COG4: variants seen among roughly 807,000 people sequenced by gnomAD.
COG4 encodes component of oligomeric golgi complex 4.
A neutral mutation model predicts 95.1 loss-of-function variants in COG4; 65 were observed. That is an observed-to-expected ratio of 0.68 (90% CI 0.56 to 0.84). The LOEUF (loss-of-function observed/expected upper bound fraction) is 0.84. COG4 is among the 40% of genes least tolerant of loss of function. The pLI, the probability that COG4 is intolerant of heterozygous loss-of-function variation, is 0.00. For missense variants in COG4, 1,045 were observed against 989.1 expected, an observed-to-expected ratio of 1.06 and a Z score of -0.76; for synonymous variants, 421 against 374.8, an observed-to-expected ratio of 1.12 and a Z score of -1.42.
intron 12 of COG4, among the ~76,000 whole-genome samples, chr16:70,495,289 C>A (rs1363647565): frequency 6.7e-6 from 1 of 150,116 alleles, no homozygotes; most frequent in Non-Finnish European, 1.5e-5. Context: ...CCCAGCTACT[C>A]GGGAGGCTAA....
chr16:70,494,795 T>C (rs970502501), intron 12 of COG4, among the ~76,000 whole-genome samples: 11 of 152,220 alleles, frequency 7.2e-5, no homozygotes, highest in African/African-American at 2.7e-4. Context: ...GATGTGATGC[T>C]GGTTGCTGGG....
At chr16:70,483,828 G>C in intron 14 of COG4, 25 bp downstream of exon 14, 1 of 1,505,224 alleles carries the variant, frequency 6.6e-7, no homozygotes, top group African/African-American at 1.4e-5. Context: ...ACAGGATTCA[G>C]TCAGCAGTTG....
chr16:70,492,802 A>C (rs916881078), intron 12 of COG4, among the ~76,000 whole-genome samples: 4 of 151,944 alleles, frequency 2.6e-5, no homozygotes, highest in Non-Finnish European at 5.9e-5. Flanking sequence ...GTCTCTACTA[A>C]AAATACAAAA....
At chr16:70,519,797 A>G in intron 1 of COG4, 66 bp from the exon 2 acceptor site, 1 of 1,181,232 alleles carries the variant, frequency 8.5e-7, no homozygotes, top group Non-Finnish European at 1.3e-6. Context: ...TATCTAATCC[A>G]ATCACTTAGC....
intron 13 of COG4, among the ~76,000 whole-genome samples, chr16:70,487,568 C>T (rs949331004): frequency 3.9e-5 from 6 of 152,124 alleles, no homozygotes; most frequent in Admixed American, 6.5e-5. Flanking sequence ...GGCGACAGAG[C>T]GAGACTCCGT....
At chr16:70,499,113 G>A (rs1002425522) in intron 9 of COG4, among the ~76,000 whole-genome samples, 1 of 151,984 alleles carries the variant, frequency 6.6e-6, no homozygotes, top group Admixed American at 6.5e-5. Context: ...TGATATAGTA[G>A]CCATTAGCCA....
intron 15 of COG4, 36 bp downstream of exon 15, chr16:70,482,693 C>T (rs765088543): frequency 5.5e-5 from 85 of 1,549,886 alleles, no homozygotes; most frequent in Admixed American, 2.5e-4. Context: ...GATGAGGGGT[C>T]ATCGGGGCTT....
At chr16:70,512,193 G>C (rs1030596705) in intron 5 of COG4, 46 bp downstream of exon 5, 1 of 1,576,238 alleles carries the variant, frequency 6.3e-7, no homozygotes. Flanking sequence ...CCAATCTGCA[G>C]GCAGACAGCC....
At position 70,481,803 on chromosome 16, in the gene COG4, G is replaced by A. The variant is rs376705726; in HGVS notation, c.2067C>T (p.Val689=). 1.7e-5 allele frequency: 27 copies of A among 1,613,958 alleles called. No individual in the cohort carries two copies. The highest frequency in any genetic ancestry group is 1.6e-4 in the East Asian group (7 of 44,884). The stretch of plus-strand genomic sequence containing the variant: ...ATTTCAGCACCACTTTCTCCAACTC[G>A]ACGGCAACAAGGCTAGTCATGAGGC... ...LTGLMTSLVA[V]ELEKVVLKST... The change falls in exon 17 of 19, where the codon GTC becomes GTT. Residue 689 remains valine (V), a synonymous_variant. Coordinates refer to ENST00000323786, the MANE Select transcript of COG4 (RefSeq NM_015386.3).
In COG4 at chr16:70,514,350, G is replaced by C. The variant is rs376663459; in HGVS notation, c.529C>G (p.Arg177Gly). ...GGATGCTGACCCTCTTTGCCCTGTCGGCTGAGCTCAATGACCGACTTGTCC... is the reference window on the plus strand; with the variant it reads ...GGATGCTGACCCTCTTTGCCCTGTCCGCTGAGCTCAATGACCGACTTGTCC... ...CLDKSVIELSRQGKEGSMIDA... is the reference protein window; with the variant it reads ...CLDKSVIELSGQGKEGSMIDA... Residue 177 changes from arginine to glycine, a missense_variant, in exon 4 of 19, where the codon CGA (arginine) becomes GGA (glycine). Transcript: ENST00000323786. The C allele has an allele frequency of 6.2e-7, 1 of 1,613,988 alleles. No individual in the cohort carries two copies. Among genetic ancestry groups the C allele is most frequent in the Non-Finnish European group, 8.5e-7 (1 of 1,179,988 alleles).
intron 9 of COG4, among the ~76,000 whole-genome samples, chr16:70,499,045 G>C (rs991909022): frequency 2.6e-5 from 4 of 152,088 alleles, no homozygotes; most frequent in African/African-American, 9.7e-5. Context: ...GCAATACTCT[G>C]TCTCTACAAA....
intron 9 of COG4, among the ~76,000 whole-genome samples, chr16:70,499,052 C>T (rs945487824): frequency 1.4e-4 from 22 of 151,904 alleles, no homozygotes; most frequent in African/African-American, 5.3e-4. Context: ...TCTGTCTCTA[C>T]AAAAAATAAA....
At chr16:70,499,015 A>T (rs2049395734) in intron 9 of COG4, among the ~76,000 whole-genome samples, 1 of 152,184 alleles carries the variant, frequency 6.6e-6, no homozygotes, top group South Asian at 2.1e-4. Context: ...AGGAGTTTTG[A>T]GACCAGCCTG....
intron 4 of COG4, among the ~76,000 whole-genome samples, chr16:70,513,884 CA>C (rs755858732): frequency 6.6e-6 from 1 of 152,156 alleles, no homozygotes; most frequent in Non-Finnish European, 1.5e-5. Flanking sequence ...CAGGATGGTA[CA>C]GGACCTACGT....
At chr16:70,490,435 G>A (rs1216757418) in intron 12 of COG4, 43 bp from the exon 13 acceptor site, 1 of 1,527,844 alleles carries the variant, frequency 6.5e-7, no homozygotes. Context: ...TGCTGACTGT[G>A]CCTGCCACCC....
At chr16:70,496,175 CT>C in intron 12 of COG4, 90 bp downstream of exon 12, 1 of 1,373,370 alleles carries the variant, frequency 7.3e-7, no homozygotes, top group Non-Finnish European at 1.0e-6. Flanking sequence ...GGAAAAGTCT[CT>C]AGCTAGAGGC....
chr16:70,499,979 TTA>T (rs2049415346), intron 9 of COG4, among the ~76,000 whole-genome samples: 1 of 151,670 alleles, frequency 6.6e-6, no homozygotes, highest in Non-Finnish European at 1.5e-5. Context: ...TTTTAAATGT[TTA>T]TCTTTTATTA....
At chr16:70,508,811 GA>G in intron 7 of COG4, 2 of 552,306 alleles carry the variant, frequency 3.6e-6, no homozygotes, top group Non-Finnish European at 6.9e-6. Context: ...TCAAAAGAAG[GA>G]AAAAACAAAG....
chr16:70,499,639 T>C (rs753391116), intron 9 of COG4, among the ~76,000 whole-genome samples: 2 of 152,180 alleles, frequency 1.3e-5, no homozygotes, highest in African/African-American at 2.4e-5. Context: ...GTAAATGAAA[T>C]TGGACTCTGG....
Sources: gnomAD v4.1 joint callset for allele counts (sites outside exome capture counted in the v4.1 genomes callset) on GRCh38, gnomAD v4.1.1 for gene constraint, MANE v1.5 for transcripts, NCBI Gene and HGNC (gene_info 2026-07-23, HGNC 2026-07-21) for gene names.